Variants in LRRC3B observed in about 807,000 individuals in gnomAD.
LRRC3B encodes the protein leucine rich repeat containing 3B.
A neutral mutation model predicts 12.8 loss-of-function variants in LRRC3B; 2 were observed. The ratio of observed to expected loss-of-function variants is 0.16; its 90% CI spans 0.06 to 0.49. The LOEUF is 0.49. Among genes scored for constraint, LRRC3B ranks in the 20% least tolerant of loss-of-function variants. LRRC3B has a pLI of 0.96. For synonymous variants in LRRC3B, 132 were observed against 122.0 expected, an observed-to-expected ratio of 1.08 and a Z score of -0.54; for missense variants, 189 against 319.4, an observed-to-expected ratio of 0.59 and a Z score of 3.11.
chr3:26,671,413 G>GAGAGAGAGAGAGAGAGAGACACAC (rs9331540), intron 1 of LRRC3B, among the ~76,000 whole-genome samples: 3 of 99,386 alleles, frequency 3.0e-5, no homozygotes, highest in Admixed American at 1.2e-4. Context: ...GAGAGAGAGA[G>GAGAGAGAGAGAGAGAGAGACACAC]ACGAAGTCTT....
intron 1 of LRRC3B, among the ~76,000 whole-genome samples, chr3:26,693,599 G>A (rs1014025747): frequency 2.6e-5 from 4 of 152,180 alleles, no homozygotes; most frequent in Non-Finnish European, 5.9e-5. Flanking sequence ...ATGCGAAATA[G>A]ATATTATCAT....
chr3:26,650,818 T>C (rs797009309), intron 1 of LRRC3B, among the ~76,000 whole-genome samples: 15 of 152,312 alleles, frequency 9.8e-5, no homozygotes, highest in African/African-American at 3.4e-4. Flanking sequence ...ACTTCCGTTA[T>C]CTACTCGACG....
chr3:26,625,718 A>G (rs1698610420), intron 1 of LRRC3B, among the ~76,000 whole-genome samples: 1 of 152,196 alleles, frequency 6.6e-6, no homozygotes, highest in African/African-American at 2.4e-5. Flanking sequence ...AGGTTGCTGA[A>G]CTGTTCTGGG....
At chr3:26,624,531 G>C (rs531630176) in intron 1 of LRRC3B, 8 of 153,054 alleles carry the variant, frequency 5.2e-5, no homozygotes, top group African/African-American at 1.9e-4. Context: ...TTGGAGGAGA[G>C]CGCAGGAGCG....
chr3:26,680,410 G>C (rs900250219), intron 1 of LRRC3B, among the ~76,000 whole-genome samples: 1 of 152,172 alleles, frequency 6.6e-6, no homozygotes, highest in Non-Finnish European at 1.5e-5. Context: ...TAAAGTAAAA[G>C]AACGTTCTTA....
At chr3:26,632,663 T>C (rs1012721514) in intron 1 of LRRC3B, among the ~76,000 whole-genome samples, 3 of 152,096 alleles carry the variant, frequency 2.0e-5, no homozygotes, top group African/African-American at 7.2e-5. Flanking sequence ...GCAGGATTTA[T>C]AGTAAGTAAG....
intron 1 of LRRC3B, among the ~76,000 whole-genome samples, chr3:26,687,581 A>T (rs947341800): frequency 6.6e-6 from 1 of 152,158 alleles, no homozygotes; most frequent in Non-Finnish European, 1.5e-5. Flanking sequence ...CATCCCAGAG[A>T]TCGTTTCCAT....
chr3:26,641,320 C>G (rs762854599), intron 1 of LRRC3B, among the ~76,000 whole-genome samples: 2 of 152,064 alleles, frequency 1.3e-5, no homozygotes, highest in Non-Finnish European at 2.9e-5. Context: ...GGGTGGAGAC[C>G]CAGGGGGATG....
chr3:26,660,816 A>G (rs777601803), intron 1 of LRRC3B, among the ~76,000 whole-genome samples: 4 of 152,196 alleles, frequency 2.6e-5, no homozygotes. Flanking sequence ...TCTGAGCTGC[A>G]TGATTGAGTT....
intron 1 of LRRC3B, among the ~76,000 whole-genome samples, chr3:26,626,710 A>G (rs1002481980): frequency 6.6e-6 from 1 of 152,236 alleles, no homozygotes; most frequent in Non-Finnish European, 1.5e-5. Context: ...TCTATATCAT[A>G]TATAATGAAT....
chr3:26,669,634 C>G (rs1033032081), intron 1 of LRRC3B, among the ~76,000 whole-genome samples: 10 of 152,232 alleles, frequency 6.6e-5, no homozygotes, highest in Admixed American at 5.2e-4. Flanking sequence ...TTGAAGAGAG[C>G]AAACCAATAA....
rs553657453 is a variant in LRRC3B, at chr3:26,693,461, A to G, written c.-160-16052A>G. On this transcript the variant is annotated intron_variant, in intron 1 of 1. Coordinates refer to ENST00000396641, the Ensembl canonical transcript of LRRC3B. Reference sequence around the variant, plus strand: ...TCATCTGCCTCAACAGTCCCAATCTAGACTAAAGAATGGGAAAATAGGCTC... The same window carrying G: ...TCATCTGCCTCAACAGTCCCAATCTGGACTAAAGAATGGGAAAATAGGCTC... Among the ~76,000 whole-genome samples, 120 of 152,282 alleles carry G rather than the reference A, an allele frequency of 7.9e-4. 1 individual carries two copies. The highest frequency in any genetic ancestry group is 2.7e-3 in the African/African-American group (113 of 41,566).
chr3:26,653,770 C>A lies in LRRC3B; in HGVS notation c.-161+30533C>A, dbSNP rs56042302. 5.9e-4 allele frequency among the ~76,000 whole-genome samples: 89 copies of A among 152,126 alleles called. No homozygotes were observed. The East Asian group carries it at 0.017, about 29-fold the overall frequency. ...TCCCCCATGTAAACTCACTGTGAACCGTTTGTTTCTGAGAGCAGACTGTAC... is the reference window on the plus strand; with the variant it reads ...TCCCCCATGTAAACTCACTGTGAACAGTTTGTTTCTGAGAGCAGACTGTAC... On this transcript the variant is annotated intron_variant, in intron 1 of 1. Transcript: ENST00000396641.
At chr3:26,631,164 G>T (rs1422017096) in intron 1 of LRRC3B, among the ~76,000 whole-genome samples, 1 of 152,204 alleles carries the variant, frequency 6.6e-6, no homozygotes, top group Non-Finnish European at 1.5e-5. Flanking sequence ...TGAAAAATGT[G>T]CCTCCTTGGA....
At chr3:26,708,890 T>C (rs1700674490) in intron 1 of LRRC3B, among the ~76,000 whole-genome samples, 1 of 152,128 alleles carries the variant, frequency 6.6e-6, no homozygotes, top group Non-Finnish European at 1.5e-5. Context: ...GTTAAAAGCA[T>C]CCTCCCAGGT....
At chr3:26,676,293 C>T (rs1050671345) in intron 1 of LRRC3B, among the ~76,000 whole-genome samples, 6 of 139,646 alleles carry the variant, frequency 4.3e-5, no homozygotes, top group African/African-American at 1.6e-4. Context: ...TCCATGTGTT[C>T]TCATTGTTCA....
At chr3:26,652,273 G>A (rs1488316949) in intron 1 of LRRC3B, among the ~76,000 whole-genome samples, 2 of 152,206 alleles carry the variant, frequency 1.3e-5, no homozygotes, top group African/African-American at 4.8e-5. Flanking sequence ...CCTGAGACTG[G>A]GAGGGAAGGA....
At chr3:26,650,858 C>G (rs1323946166) in intron 1 of LRRC3B, among the ~76,000 whole-genome samples, 1 of 152,138 alleles carries the variant, frequency 6.6e-6, no homozygotes, top group Non-Finnish European at 1.5e-5. Flanking sequence ...AGATTTTTGT[C>G]TTGCGTCAGG....
chr3:26,663,945 A>T (rs1699546221), intron 1 of LRRC3B, among the ~76,000 whole-genome samples: 1 of 152,064 alleles, frequency 6.6e-6, no homozygotes, highest in South Asian at 2.1e-4. Context: ...TTTTTAATTC[A>T]ATCAGAGGAT....
Sources: gnomAD v4.1 joint callset for allele counts (sites outside exome capture counted in the v4.1 genomes callset) on GRCh38, gnomAD v4.1.1 for gene constraint, MANE v1.5 for transcripts, NCBI Gene and HGNC (gene_info 2026-07-23, HGNC 2026-07-21) for gene names.